The following SLC44A5 variants were observed in gnomAD, a reference collection of about 807,000 sequenced individuals.
SLC44A5 encodes the protein choline transporter-like protein 5.
A neutral mutation model predicts 101.8 loss-of-function variants in SLC44A5; 57 were observed. The observed-to-expected ratio is 0.56, with a 90% CI of 0.45 to 0.70. The LOEUF is 0.70. SLC44A5 is among the 30% of genes least tolerant of loss of function. The pLI is 0.00. For synonymous variants in SLC44A5, 281 were observed against 290.9 expected (o/e 0.97, Z 0.35); for missense variants, 737 against 853.1 (o/e 0.86, Z 1.70).
intron 3 of SLC44A5, among the ~76,000 whole-genome samples, chr1:75,391,380 G>A (rs1280493143): frequency 6.6e-6 from 1 of 152,126 alleles, no homozygotes; most frequent in Middle Eastern, 3.4e-3. Context: ...AACCAAAAAA[G>A]AGCCCAAATA....
intron 2 of SLC44A5, among the ~76,000 whole-genome samples, chr1:75,480,101 T>C (rs1436188941): frequency 8.5e-5 from 13 of 152,166 alleles, no homozygotes; most frequent in African/African-American, 2.4e-4. Flanking sequence ...GTTCAATATA[T>C]GCAAATCAAT....
At chr1:75,365,764 T>A (rs1659814004) in intron 3 of SLC44A5, among the ~76,000 whole-genome samples, 1 of 152,186 alleles carries the variant, frequency 6.6e-6, no homozygotes. Context: ...TCTAGCAGTA[T>A]ACTTTGTTCT....
intron 1 of SLC44A5, among the ~76,000 whole-genome samples, chr1:75,604,967 T>C (rs1675236204): frequency 6.6e-6 from 1 of 152,070 alleles, no homozygotes; most frequent in Non-Finnish European, 1.5e-5. Flanking sequence ...CTTTTCCTAT[T>C]TGGATGCCTT....
intron 2 of SLC44A5, among the ~76,000 whole-genome samples, chr1:75,453,570 G>A (rs189357437): frequency 1.4e-4 from 21 of 152,012 alleles, no homozygotes; most frequent in African/African-American, 5.1e-4. Context: ...ACCCAATTGA[G>A]ACCCTTTGAA....
chr1:75,211,436 G>A (rs370375613), intron 23 of SLC44A5, 32 bp downstream of exon 23: 199 of 1,545,646 alleles, frequency 1.3e-4, no homozygotes, highest in Non-Finnish European at 1.7e-4. Context: ...GTTATCCACC[G>A]AAGGGGGAAA....
At chr1:75,378,037 G>A (rs1271667976) in intron 3 of SLC44A5, among the ~76,000 whole-genome samples, 1 of 76,494 alleles carries the variant, frequency 1.3e-5, no homozygotes, top group African/African-American at 8.5e-5. Flanking sequence ...GGTGTGTAGG[G>A]GCAACCCACC....
intron 2 of SLC44A5, among the ~76,000 whole-genome samples, chr1:75,516,630 G>A (rs1344138449): frequency 6.6e-6 from 1 of 152,190 alleles, no homozygotes; most frequent in African/African-American, 2.4e-5. Flanking sequence ...ATGAACTGAT[G>A]GGAGAATGAA....
chr1:75,383,527 G>A lies in SLC44A5; in HGVS notation c.52+13056C>T, dbSNP rs1257663123. 2.0e-5 allele frequency among the ~76,000 whole-genome samples: 3 copies of A among 152,112 alleles called. No individual in the cohort carries two copies. The East Asian group carries it at 5.8e-4, about 29-fold the overall frequency. On this transcript the variant is annotated intron_variant, in intron 3 of 23. Transcript: ENST00000370859. Reference sequence around the variant, plus strand: ...GAGAAAAAAGAATAAAAAGAAATGAGCAAAGCCTCCAAGAAATATGGGACT... The same window carrying A: ...GAGAAAAAAGAATAAAAAGAAATGAACAAAGCCTCCAAGAAATATGGGACT...
intron 22 of SLC44A5, among the ~76,000 whole-genome samples, chr1:75,211,837 T>TCTTTTC (rs1553140823): frequency 1.3e-5 from 2 of 149,100 alleles, no homozygotes; most frequent in East Asian, 4.0e-4. Context: ...TCTTTTCTTT[T>TCTTTTC]TTTTCTTTTC....
intron 10 of SLC44A5, among the ~76,000 whole-genome samples, chr1:75,238,086 C>T (rs191306296): frequency 6.6e-6 from 1 of 151,662 alleles, no homozygotes; most frequent in Non-Finnish European, 1.5e-5. Context: ...TTATGTCACA[C>T]TTCTATACCT....
chr1:75,421,284 C>A (rs1663987140), intron 2 of SLC44A5, among the ~76,000 whole-genome samples: 1 of 152,064 alleles, frequency 6.6e-6, no homozygotes, highest in African/African-American at 2.4e-5. Context: ...AGGAACCCTG[C>A]AGGTGCTAAA....
intron 6 of SLC44A5, among the ~76,000 whole-genome samples, chr1:75,265,807 T>C (rs1650934479): frequency 6.6e-6 from 1 of 152,210 alleles, no homozygotes; most frequent in African/African-American, 2.4e-5. Context: ...GTCTTGGTAA[T>C]GGTGCTACAT....
intron 2 of SLC44A5, among the ~76,000 whole-genome samples, chr1:75,493,180 GC>G (rs1668509777): frequency 1.3e-5 from 2 of 152,058 alleles, no homozygotes. Context: ...AGTTAATAAA[GC>G]CCCTAATTTT....
chr1:75,365,963 T>C (rs1429912193), intron 3 of SLC44A5, among the ~76,000 whole-genome samples: 1 of 152,240 alleles, frequency 6.6e-6, no homozygotes, highest in Non-Finnish European at 1.5e-5. Context: ...TTATATTTTC[T>C]GTGAATGAAT....
chr1:75,306,889 C>T (rs964372572), intron 4 of SLC44A5, among the ~76,000 whole-genome samples: 1 of 151,792 alleles, frequency 6.6e-6, no homozygotes, highest in Non-Finnish European at 1.5e-5. Context: ...CGCCCGCCAT[C>T]ACGCCCGGCT....
the SLC44A5 span, among the ~76,000 whole-genome samples, chr1:75,625,610 A>G: frequency 6.6e-6 from 1 of 152,288 alleles, no homozygotes; most frequent in African/African-American, 2.4e-5. Flanking sequence ...GACTTTTGAC[A>G]ACTCCCATAA....
the SLC44A5 span, among the ~76,000 whole-genome samples, chr1:75,662,985 T>C: frequency 6.6e-6 from 1 of 152,170 alleles, no homozygotes; most frequent in Non-Finnish European, 1.5e-5. Flanking sequence ...TTCACCTGTT[T>C]ATACAAAGAT....
chr1:75,499,827 G>T (rs758604016), intron 2 of SLC44A5, among the ~76,000 whole-genome samples: 5 of 152,062 alleles, frequency 3.3e-5, no homozygotes, highest in Admixed American at 3.3e-4. Flanking sequence ...ATAGCTGTCC[G>T]CCAACTCATT....
chr1:75,713,376 T>C, the SLC44A5 span, among the ~76,000 whole-genome samples: 8 of 152,346 alleles, frequency 5.3e-5, no homozygotes, highest in Non-Finnish European at 1.2e-4. Context: ...TAAACTCATA[T>C]ACTCTTACTT....
Sources: gnomAD v4.1 joint callset for allele counts (sites outside exome capture counted in the v4.1 genomes callset) on GRCh38, gnomAD v4.1.1 for gene constraint, MANE v1.5 for transcripts, NCBI Gene and HGNC (gene_info 2026-07-23, HGNC 2026-07-21) for gene names.